The following GPA33 variants were observed in gnomAD, a reference collection of about 807,000 sequenced individuals.
GPA33 encodes the protein cell surface A33 antigen.
In GPA33, 27 loss-of-function variants were observed where a neutral mutation model predicts 35.6. The ratio of observed to expected loss-of-function variants is 0.76; its 90% CI spans 0.56 to 1.04. The LOEUF (loss-of-function observed/expected upper bound fraction) is 1.04. GPA33 is among the 50% of genes least tolerant of loss of function. The pLI is 0.00. For synonymous variants in GPA33, 176 were observed against 164.0 expected (o/e 1.07, Z -0.56); for missense variants, 428 against 411.9 (o/e 1.04, Z -0.34).
chr1:167,069,421 T>G (rs1666672198), intron 2 of GPA33, among the ~76,000 whole-genome samples: 1 of 152,232 alleles, frequency 6.6e-6, no homozygotes, highest in South Asian at 2.1e-4. Flanking sequence ...ATCCCAGCAC[T>G]TTCACCTCTT....
chr1:167,086,013 G>A (rs528400122), intron 1 of GPA33, among the ~76,000 whole-genome samples: 43 of 152,210 alleles, frequency 2.8e-4, no homozygotes, highest in Non-Finnish European at 5.1e-4. Flanking sequence ...GAGAGCCACT[G>A]GCCTAAACTA....
intron 3 of GPA33, among the ~76,000 whole-genome samples, chr1:167,064,166 C>A (rs1346252329): frequency 6.6e-6 from 1 of 152,150 alleles, no homozygotes; most frequent in African/African-American, 2.4e-5. Context: ...CACCTATAAT[C>A]CCAGTTACTC....
chr1:167,069,321 T>A (rs1553244200), intron 2 of GPA33, among the ~76,000 whole-genome samples, 183 bp from the exon 3 acceptor site: 2 of 152,104 alleles, frequency 1.3e-5, no homozygotes, highest in Non-Finnish European at 1.5e-5. Context: ...TATATATATA[T>A]TTTTTTAGTT....
intron 4 of GPA33, among the ~76,000 whole-genome samples, chr1:167,057,267 A>G (rs1666327943): frequency 6.6e-6 from 1 of 152,040 alleles, no homozygotes; most frequent in South Asian, 2.1e-4. Flanking sequence ...CTATCATCCT[A>G]TGAATTTCTT....
Position 167,080,539 on chromosome 1 carries a change from C to T in GPA33, c.44-7000G>A, listed in dbSNP as rs1225045128. Reference sequence around the variant, plus strand: ...AGCATGGCCAAGAGCACAAACATTGCAGCCAAACTATCCGGGTTGGCATCC... The same window carrying T: ...AGCATGGCCAAGAGCACAAACATTGTAGCCAAACTATCCGGGTTGGCATCC... On this transcript the variant is annotated intron_variant, in intron 1 of 6. Transcript: ENST00000367868. Among the ~76,000 whole-genome samples, 5 of 152,328 alleles carry T rather than the reference C, an allele frequency of 3.3e-5. No individual in the cohort carries two copies. In the East Asian group the frequency reaches 7.7e-4, roughly 23 times the overall value.
chr1:167,056,731 T>G (rs1434051559), intron 4 of GPA33, among the ~76,000 whole-genome samples: 1 of 82,516 alleles, frequency 1.2e-5, no homozygotes, highest in Non-Finnish European at 2.6e-5. Context: ...GTGTGTGATG[T>G]ATGTGGTGTG....
At chr1:167,067,428 A>C (rs1371047888) in intron 3 of GPA33, among the ~76,000 whole-genome samples, 1 of 152,250 alleles carries the variant, frequency 6.6e-6, no homozygotes, top group East Asian at 1.9e-4. Context: ...AAAGTAAAAC[A>C]TTGGTTTCAC....
At chr1:167,073,319 C>A (rs1666757253) in intron 2 of GPA33, 66 bp downstream of exon 2, 4 of 1,374,544 alleles carry the variant, frequency 2.9e-6, no homozygotes, top group South Asian at 2.5e-5. Flanking sequence ...TAGTGCTTGC[C>A]TTCTAAGAGG....
intron 4 of GPA33, among the ~76,000 whole-genome samples, chr1:167,056,422 ATGTG>A (rs575524973): frequency 6.7e-6 from 1 of 150,134 alleles, no homozygotes; most frequent in African/African-American, 2.4e-5. Flanking sequence ...TGTGGGGTGT[ATGTG>A]TGTGTGTGTG....
In GPA33 at chr1:167,066,931, A is replaced by C. The variant is rs570605612; in HGVS notation, c.415+1991T>G. ...GAGGGGCCGCCGGGCTGGGAGCTTCATGCTCGCCTCGGTTTACTGAGGTCA... is the reference window on the plus strand; with the variant it reads ...GAGGGGCCGCCGGGCTGGGAGCTTCCTGCTCGCCTCGGTTTACTGAGGTCA... On this transcript the variant is annotated intron_variant, in intron 3 of 6. Transcript: ENST00000367868. Among the ~76,000 whole-genome samples, 15 of 152,236 alleles carry C rather than the reference A, an allele frequency of 9.9e-5. No individual in the cohort carries two copies. In the East Asian group the frequency reaches 2.9e-3, roughly 29 times the overall value.
chr1:167,066,489 C>T lies in GPA33; in HGVS notation c.415+2433G>A, dbSNP rs185418788. On this transcript the variant is annotated intron_variant, in intron 3 of 6. Coordinates refer to ENST00000367868, the MANE Select transcript of GPA33 (RefSeq NM_005814.3). ...TGTCAGTTCCCAGCCCCTAAACCCT[C>T]TGGCCTCACCCAGGAACCCCTGCTC... is the stretch of plus-strand genomic sequence containing the variant. Among the ~76,000 whole-genome samples the T allele has an allele frequency of 8.5e-5, 13 of 152,336 alleles. No homozygotes were observed. In the East Asian group the frequency reaches 2.3e-3, roughly 27 times the overall value.
rs757916355 is a variant in GPA33 at position 167,069,137 on chromosome 1, TC to T, written c.199del (p.Glu67LysfsTer41). ...QWDKLLLTHTERVVIWPFSNK... is the reference protein window; with the variant it reads ...QWDKLLLTHTXRVVIWPFSNK... ...TGAAAACGGCCAGATGACCACCCTT[TC>T]CTGGAGAGAGAAGAAATGGCACCAG... On this transcript the variant is annotated frameshift_variant and splice_region_variant, in exon 3 of 7. Coordinates refer to ENST00000367868, the MANE Select transcript of GPA33 (RefSeq NM_005814.3). LOFTEE classifies it high-confidence loss of function. 5.6e-6 allele frequency: 9 copies of T among 1,609,526 alleles called. No individual in the cohort carries two copies. The South Asian group carries it at 9.9e-5, about 18-fold the overall frequency.
At chr1:167,056,812 T>A (rs1666305753) in intron 4 of GPA33, among the ~76,000 whole-genome samples, 2 of 83,734 alleles carry the variant, frequency 2.4e-5, no homozygotes, top group Non-Finnish European at 5.0e-5. Context: ...GTGGTGTGTA[T>A]GTGGCAGCGT....
intron 4 of GPA33, among the ~76,000 whole-genome samples, chr1:167,061,845 G>A (rs528044621): frequency 3.9e-5 from 6 of 152,102 alleles, no homozygotes; most frequent in Non-Finnish European, 7.4e-5. Flanking sequence ...CTCGTGATCC[G>A]CCTGCCTCAG....
In GPA33 at chr1:167,055,746, C is replaced by T. The variant is rs374776660; in HGVS notation, c.675G>A (p.Thr225=). 7.4e-5 allele frequency: 120 copies of T among 1,613,946 alleles called. No homozygotes were observed. The highest frequency in any genetic ancestry group is 9.5e-5 in the Non-Finnish European group (112 of 1,180,002). ...NEEGTQFCNI[T]VAVRSPSMNV... ...TGCTCTTACGAGATCTGACGGCCAC[C>T]GTGATGTTGCAGAACTGCGTCCCCT... Residue 225 remains threonine (T), a synonymous_variant, in exon 5 of 7, where the codon ACG becomes ACA. Coordinates refer to ENST00000367868, the MANE Select transcript of GPA33 (RefSeq NM_005814.3).
intron 1 of GPA33, among the ~76,000 whole-genome samples, chr1:167,076,974 G>A (rs922617995): frequency 9.9e-5 from 15 of 152,178 alleles, no homozygotes; most frequent in African/African-American, 3.1e-4. Context: ...GGGAGGCCGA[G>A]GTGGATGGAT....
At chr1:167,077,965 G>A (rs769699137) in intron 1 of GPA33, among the ~76,000 whole-genome samples, 10 of 152,204 alleles carry the variant, frequency 6.6e-5, no homozygotes, top group Non-Finnish European at 1.2e-4. Flanking sequence ...CAGCTTGACA[G>A]CTAACAAATG....
chr1:167,073,552 T>C lies in GPA33; in HGVS notation c.44-13A>G, dbSNP rs751206651. Reference sequence around the variant, plus strand: ...ACGGTCACCCTGACTGGAAAGAAAGTAGGCAGTGGAAGGGAAAAGTAAGCG... The same window carrying C: ...ACGGTCACCCTGACTGGAAAGAAAGCAGGCAGTGGAAGGGAAAAGTAAGCG... On this transcript the variant is annotated splice_polypyrimidine_tract_variant and intron_variant, in intron 1 of 6. Transcript: ENST00000367868. 1 of 1,611,796 alleles carries C rather than the reference T, an allele frequency of 6.2e-7. No individual in the cohort carries two copies. The highest frequency in any genetic ancestry group is 1.1e-5 in the South Asian group (1 of 90,782).
chr1:167,067,283 T>TATTA (rs144438830), intron 3 of GPA33, among the ~76,000 whole-genome samples: 1 of 151,342 alleles, frequency 6.6e-6, no homozygotes, highest in Non-Finnish European at 1.5e-5. Context: ...TCAATTTATT[T>TATTA]ATTTATTTAT....
Sources: gnomAD v4.1 joint callset for allele counts (sites outside exome capture counted in the v4.1 genomes callset) on GRCh38, gnomAD v4.1.1 for gene constraint, MANE v1.5 for transcripts, NCBI Gene and HGNC (gene_info 2026-07-23, HGNC 2026-07-21) for gene names.